SPIDR: variants seen among roughly 807,000 people sequenced by gnomAD.
The protein encoded by SPIDR is DNA repair-scaffolding protein.
In SPIDR, 93 loss-of-function variants were observed where a neutral mutation model predicts 104.6. That is an observed-to-expected ratio of 0.89 (90% confidence interval 0.75 to 1.06). The LOEUF (loss-of-function observed/expected upper bound fraction) is 1.06, where lower values mean the gene tolerates loss of function less well. Ranked by LOEUF, SPIDR falls within the 50% of genes least tolerant of loss-of-function variation. The pLI, the probability that SPIDR is intolerant of heterozygous loss-of-function variation, is 0.00. For missense variants in SPIDR, 1,154 were observed against 1,111.2 expected (o/e 1.04, Z -0.55); for synonymous variants, 431 against 416.9 (o/e 1.03, Z -0.41).
chr8:47,499,247 T>C (rs1311613829), intron 8 of SPIDR, among the ~76,000 whole-genome samples: 1 of 152,204 alleles, frequency 6.6e-6, no homozygotes, highest in African/African-American at 2.4e-5. Flanking sequence ...CACTGACATG[T>C]AACTAATGAC....
At chr8:47,373,840 G>T (rs2058343707) in intron 5 of SPIDR, among the ~76,000 whole-genome samples, 2 of 152,212 alleles carry the variant, frequency 1.3e-5, no homozygotes, top group African/African-American at 4.8e-5. Flanking sequence ...ATGATTTTCA[G>T]TTATTAATAA....
At chr8:47,362,479 A>G (rs548090380) in intron 5 of SPIDR, among the ~76,000 whole-genome samples, 3 of 152,178 alleles carry the variant, frequency 2.0e-5, no homozygotes, top group Non-Finnish European at 2.9e-5. Context: ...TTGACCACAC[A>G]TCACTACACA....
At chr8:47,276,954 G>A (rs1253125026) in intron 1 of SPIDR, 7 of 144,380 alleles carry the variant, frequency 4.8e-5, no homozygotes, top group Non-Finnish European at 1.1e-4. Flanking sequence ...TCGAGACAGA[G>A]TTTCACTCTT....
intron 19 of SPIDR, chr8:47,732,644 G>T (rs192252310): frequency 7.7e-4 from 124 of 160,072 alleles, no homozygotes; most frequent in African/African-American, 2.6e-3. Context: ...GTGCCAGAGG[G>T]GCCTGGGTAG....
chr8:47,709,466 G>T (rs1327773749), intron 14 of SPIDR, among the ~76,000 whole-genome samples: 1 of 152,064 alleles, frequency 6.6e-6, no homozygotes, highest in Non-Finnish European at 1.5e-5. Context: ...AGTAGAGATG[G>T]GGTTTTACCA....
At chr8:47,315,582 CA>C (rs1356148402) in intron 5 of SPIDR, among the ~76,000 whole-genome samples, 1 of 152,050 alleles carries the variant, frequency 6.6e-6, no homozygotes, top group Non-Finnish European at 1.5e-5. Flanking sequence ...CTATGTTATA[CA>C]AAGCAATCCT....
At chr8:47,617,866 A>G (rs1424258875) in intron 10 of SPIDR, among the ~76,000 whole-genome samples, 1 of 152,196 alleles carries the variant, frequency 6.6e-6, no homozygotes, top group Non-Finnish European at 1.5e-5. Context: ...CTAACTTAAA[A>G]TGAATATTGC....
At chr8:47,566,067 C>T (rs1256956090) in intron 8 of SPIDR, among the ~76,000 whole-genome samples, 116 of 125,208 alleles carry the variant, frequency 9.3e-4, no homozygotes, top group African/African-American at 3.5e-3. Context: ...AGTGCAGTGG[C>T]ACAATCTTGG....
At chr8:47,695,617 C>G (rs528562483) in intron 11 of SPIDR, among the ~76,000 whole-genome samples, 2 of 152,294 alleles carry the variant, frequency 1.3e-5, no homozygotes, top group Admixed American at 6.5e-5. Context: ...CCTGAAATAA[C>G]TAAGAGAATA....
intron 8 of SPIDR, among the ~76,000 whole-genome samples, chr8:47,523,901 C>T (rs970046000): frequency 6.6e-6 from 1 of 152,154 alleles, no homozygotes; most frequent in South Asian, 2.1e-4. Context: ...CTGCAGGCCT[C>T]TCTGTTTTCC....
In SPIDR at chr8:47,284,072, A is replaced by G; in HGVS notation, c.234A>G (p.Glu78=). The G allele has an allele frequency of 6.2e-7, 1 of 1,612,648 alleles. No homozygotes were observed. ...AGACGATTACAGAAAAGCACCTTGA[A>G]TTATGCCCTAGACCCAAGCAAGGTA... The part of the protein sequence containing the change: ...EEKTITEKHL[E]LCPRPKQETT... Residue 78 remains glutamate (E), a synonymous_variant, in exon 3 of 20, where the codon GAA becomes GAG. Coordinates refer to ENST00000297423, the MANE Select transcript of SPIDR (RefSeq NM_001080394.4).
chr8:47,456,232 A>G (rs1554709722), intron 8 of SPIDR, among the ~76,000 whole-genome samples: 1 of 152,134 alleles, frequency 6.6e-6, no homozygotes, highest in Non-Finnish European at 1.5e-5. Context: ...CTAATTTAAT[A>G]TGACTGGTGT....
chr8:47,383,855 T>C (rs1645627210), intron 5 of SPIDR, among the ~76,000 whole-genome samples: 1 of 152,236 alleles, frequency 6.6e-6, no homozygotes, highest in African/African-American at 2.4e-5. Flanking sequence ...GGGCTTGCCA[T>C]TTTGATTATT....
intron 7 of SPIDR, among the ~76,000 whole-genome samples, chr8:47,435,838 C>G (rs2068216404): frequency 6.6e-6 from 1 of 152,192 alleles, no homozygotes; most frequent in African/African-American, 2.4e-5. Flanking sequence ...TCACAATTTC[C>G]TATTCTTAAC....
intron 7 of SPIDR, among the ~76,000 whole-genome samples, chr8:47,421,001 C>G (rs2065342242): frequency 6.6e-6 from 1 of 152,226 alleles, no homozygotes; most frequent in Non-Finnish European, 1.5e-5. Flanking sequence ...ATGGGCTTCA[C>G]TTTGTGGGTA....
chr8:47,474,115 C>T (rs1175956774), intron 8 of SPIDR, among the ~76,000 whole-genome samples: 1 of 152,122 alleles, frequency 6.6e-6, no homozygotes, highest in African/African-American at 2.4e-5. Flanking sequence ...TCTAGAATCC[C>T]TTCAGCATTC....
At position 47,488,750 on chromosome 8, in the gene SPIDR, C is replaced by G. The variant is rs568463987; in HGVS notation, c.1097+48208C>G. On this transcript the variant is annotated intron_variant, in intron 8 of 19. Transcript: ENST00000297423. Reference sequence around the variant, plus strand: ...ATATAAACGGAACCAAAGACAAAAACCACATGATTATCTTAATAGATGCAG... The same window carrying G: ...ATATAAACGGAACCAAAGACAAAAAGCACATGATTATCTTAATAGATGCAG... Among the ~76,000 whole-genome samples the G allele has an allele frequency of 4.7e-4, 72 of 152,142 alleles. 1 individual carries two copies. Among genetic ancestry groups the G allele is most frequent in the Non-Finnish European group, 1.0e-3 (68 of 68,034 alleles).
chr8:47,313,689 T>A (rs200063244), intron 5 of SPIDR, among the ~76,000 whole-genome samples: 6 of 152,242 alleles, frequency 3.9e-5, no homozygotes, highest in East Asian at 1.9e-4. Context: ...TAACCAAAAC[T>A]GCATGGTACT....
At chr8:47,515,932 C>T (rs1488268353) in intron 8 of SPIDR, among the ~76,000 whole-genome samples, 1 of 152,212 alleles carries the variant, frequency 6.6e-6, no homozygotes, top group Admixed American at 6.5e-5. Context: ...GCCTCAGCCT[C>T]CTGAGTAGCT....
Sources: allele counts gnomAD v4.1 joint callset (sites outside exome capture counted in the v4.1 genomes callset), GRCh38; gene constraint gnomAD v4.1.1; transcripts MANE v1.5; gene names NCBI Gene and HGNC (gene_info 2026-07-23, HGNC 2026-07-21).